Variants in HIPK2 observed in about 807,000 individuals in gnomAD.
HIPK2 encodes homeodomain interacting protein kinase 2.
HIPK2 carries 27 observed loss-of-function variants against 113.7 expected under a neutral mutation model. The ratio of observed to expected loss-of-function variants is 0.24; its 90% CI spans 0.17 to 0.33. HIPK2 has a LOEUF of 0.33. Ranked by LOEUF, HIPK2 falls within the 10% of genes least tolerant of loss-of-function variation. The pLI, the probability that HIPK2 is intolerant of heterozygous loss-of-function variation, is 1.00. For missense variants in HIPK2, 1,257 were observed against 1,588.0 expected (o/e 0.79, Z 3.54); for synonymous variants, 631 against 642.2 (o/e 0.98, Z 0.26).
At chr7:139,610,462 C>A (rs969618864) in intron 9 of HIPK2, among the ~76,000 whole-genome samples, 4 of 152,146 alleles carry the variant, frequency 2.6e-5, no homozygotes, top group Non-Finnish European at 5.9e-5. Context: ...GAACTCCCCG[C>A]TACTGAACTA....
At chr7:139,719,437 G>A (rs188597522) in intron 1 of HIPK2, among the ~76,000 whole-genome samples, 7 of 152,122 alleles carry the variant, frequency 4.6e-5, no homozygotes, top group African/African-American at 1.2e-4. Flanking sequence ...CATTTCCACC[G>A]TTTTGACTCT....
chr7:139,635,821 A>T (rs994613322), intron 2 of HIPK2, among the ~76,000 whole-genome samples: 1 of 150,762 alleles, frequency 6.6e-6, no homozygotes, highest in African/African-American at 2.5e-5. Flanking sequence ...CACATGCTCT[A>T]GCGGCTCCCA....
intron 12 of HIPK2, 137 bp downstream of exon 12, chr7:139,596,580 C>T (rs958822890): frequency 1.7e-6 from 2 of 1,154,882 alleles, no homozygotes; most frequent in Admixed American, 2.4e-5. Context: ...ACTTTAGGAC[C>T]ACAGTAGATG....
At chr7:139,766,177 CCT>C (rs1448564291) in intron 1 of HIPK2, among the ~76,000 whole-genome samples, 1 of 152,156 alleles carries the variant, frequency 6.6e-6, no homozygotes, top group Admixed American at 6.5e-5. Flanking sequence ...CCTGCCTGTG[CCT>C]CTGTGTAACA....
At chr7:139,669,769 T>A (rs1489134474) in intron 2 of HIPK2, among the ~76,000 whole-genome samples, 1 of 152,196 alleles carries the variant, frequency 6.6e-6, no homozygotes, top group Non-Finnish European at 1.5e-5. Flanking sequence ...TATCATGGAA[T>A]AAAAAGATTA....
At chr7:139,620,114 C>T (rs983983656) in intron 7 of HIPK2, among the ~76,000 whole-genome samples, 1 of 152,086 alleles carries the variant, frequency 6.6e-6, no homozygotes, top group Non-Finnish European at 1.5e-5. Flanking sequence ...GATCATAGCA[C>T]CCCCTTCCCC....
intron 2 of HIPK2, among the ~76,000 whole-genome samples, chr7:139,706,087 C>T (rs1358667570): frequency 6.6e-6 from 1 of 152,218 alleles, no homozygotes; most frequent in Non-Finnish European, 1.5e-5. Flanking sequence ...GGTCTTGCTG[C>T]ATTTGGCCCC....
chr7:139,671,744 G>T (rs1211201806), intron 2 of HIPK2, among the ~76,000 whole-genome samples: 1 of 152,140 alleles, frequency 6.6e-6, no homozygotes, highest in Non-Finnish European at 1.5e-5. Context: ...TAGAGACAGG[G>T]TTTCACCATG....
chr7:139,688,817 C>G (rs935054638), intron 2 of HIPK2, among the ~76,000 whole-genome samples: 3 of 152,052 alleles, frequency 2.0e-5, no homozygotes, highest in Admixed American at 1.3e-4. Flanking sequence ...CATTATAAGA[C>G]GGATTCTGCC....
chr7:139,692,906 G>A (rs565818934), intron 2 of HIPK2, among the ~76,000 whole-genome samples: 2 of 152,234 alleles, frequency 1.3e-5, no homozygotes, highest in Admixed American at 6.5e-5. Flanking sequence ...TAGAAGCCAG[G>A]TCGTTTGGTT....
intron 1 of HIPK2, among the ~76,000 whole-genome samples, chr7:139,748,489 G>A (rs927038541): frequency 2.0e-5 from 3 of 151,884 alleles, no homozygotes; most frequent in African/African-American, 7.3e-5. Flanking sequence ...GGGACGGTGT[G>A]TTCCATGCCT....
At chr7:139,713,742 G>A (rs1216978644) in intron 2 of HIPK2, among the ~76,000 whole-genome samples, 1 of 152,192 alleles carries the variant, frequency 6.6e-6, no homozygotes, top group Non-Finnish European at 1.5e-5. Context: ...ACTAGAAAGA[G>A]CCAGCCTTTG....
chr7:139,682,802 C>G (rs1026953047), intron 2 of HIPK2, among the ~76,000 whole-genome samples: 1 of 152,228 alleles, frequency 6.6e-6, no homozygotes. Context: ...CTGGAAGACT[C>G]CAGTCAGGAC....
Position 139,566,450 on chromosome 7 carries a change from G to A in HIPK2, c.*6477C>T, listed in dbSNP as rs1798093433. On this transcript the variant is annotated 3_prime_UTR_variant, in exon 15 of 15. Transcript: ENST00000406875. The surrounding 1 kb of genome is among the most constrained non-coding windows in gnomAD (Gnocchi z 4.1). Reference sequence around the variant, plus strand: ...CACAGTGTGTGGCATGCAGGAAGCGGGAGTATCACTAAATGGTTCATAGAA... The same window carrying A: ...CACAGTGTGTGGCATGCAGGAAGCGAGAGTATCACTAAATGGTTCATAGAA... The A allele has an allele frequency of 6.6e-6, 1 of 152,162 alleles. No homozygotes were observed. The highest frequency in any genetic ancestry group is 1.5e-5 in the Non-Finnish European group (1 of 68,046). The allele number at this position is 152,162 out of a possible 1,614,324, so 9.4% of individuals were successfully genotyped here.
chr7:139,726,430 C>G (rs1000008063), intron 1 of HIPK2, among the ~76,000 whole-genome samples: 1 of 151,966 alleles, frequency 6.6e-6, no homozygotes, highest in Non-Finnish European at 1.5e-5. Context: ...ATTTGGGGTG[C>G]CAGAAGGAGT....
chr7:139,729,276 G>A (rs1795690245), intron 1 of HIPK2, among the ~76,000 whole-genome samples: 1 of 149,950 alleles, frequency 6.7e-6, no homozygotes, highest in African/African-American at 2.4e-5. Context: ...AGCAAGCTGT[G>A]ATTGCAACAC....
At chr7:139,721,909 C>T (rs1199783439) in intron 1 of HIPK2, 2 of 226,832 alleles carry the variant, frequency 8.8e-6, no homozygotes, top group African/African-American at 4.6e-5. Flanking sequence ...TTAGTGGCCT[C>T]CCAAGATAAA....
intron 2 of HIPK2, among the ~76,000 whole-genome samples, chr7:139,667,613 T>C (rs556972004): frequency 1.3e-5 from 2 of 152,338 alleles, no homozygotes; most frequent in Non-Finnish European, 2.9e-5. Flanking sequence ...GAAGTGGTAC[T>C]GACTCACTAG....
chr7:139,763,478 C>CA (rs962726805), intron 1 of HIPK2, among the ~76,000 whole-genome samples: 1 of 130,500 alleles, frequency 7.7e-6, no homozygotes, highest in Non-Finnish European at 1.6e-5. Context: ...ACACGCCCCC[C>CA]CCCCCACACG....
Sources: gnomAD v4.1 joint callset for allele counts (sites outside exome capture counted in the v4.1 genomes callset) on GRCh38, gnomAD v4.1.1 for gene constraint, Gnocchi (gnomAD v3.1) non-coding constraint, MANE v1.5 for transcripts, NCBI Gene and HGNC (gene_info 2026-07-23, HGNC 2026-07-21) for gene names.